The following CHUK variants were observed in gnomAD, a reference collection of about 807,000 sequenced individuals.
The protein encoded by CHUK is inhibitor of nuclear factor kappa-B kinase subunit alpha.
Under a neutral mutation model 104.8 loss-of-function variants are expected in CHUK, and 35 were observed. That is an observed-to-expected ratio of 0.33 (90% CI 0.26 to 0.44). The LOEUF (loss-of-function observed/expected upper bound fraction) is 0.44. CHUK is among the 20% of genes least tolerant of loss of function. The probability of loss-of-function intolerance (pLI) is 1.00; values close to 1 mark genes in which losing one functional copy is unlikely to be tolerated. For synonymous variants in CHUK, 276 were observed against 291.9 expected (o/e 0.95, Z 0.56); for missense variants, 663 against 902.7 (o/e 0.73, Z 3.40).
At chr10:100,209,573 A>T in intron 10 of CHUK, 22 bp downstream of exon 10, 1 of 1,425,580 alleles carries the variant, frequency 7.0e-7, no homozygotes, top group South Asian at 1.1e-5. Context: ...TACTCTAGGG[A>T]TATTATAATT....
intron 18 of CHUK, 94 bp from the exon 19 acceptor site, chr10:100,193,525 G>A (rs536231470): frequency 4.0e-5 from 57 of 1,411,670 alleles, no homozygotes; most frequent in African/African-American, 3.4e-4. Context: ...TTACATTTCC[G>A]TTACTACTTA....
At chr10:100,215,548 C>G (rs1211925413) in intron 9 of CHUK, among the ~76,000 whole-genome samples, 1 of 152,080 alleles carries the variant, frequency 6.6e-6, no homozygotes, top group Non-Finnish European at 1.5e-5. Context: ...TAATTAAATG[C>G]TACTGTTTCA....
In CHUK at chr10:100,204,779, C is replaced by A. The variant is rs17886182; in HGVS notation, c.1356-122G>T. 0.032 allele frequency: 26,852 copies of A among 834,362 alleles called. 559 individuals carry two copies. The highest frequency in any genetic ancestry group is 0.06 in the Middle Eastern group (170 of 2,830). The allele number at this position is 834,362 out of a possible 1,614,324, so 51.7% of individuals were successfully genotyped here. Reference sequence around the variant, plus strand: ...CAAAGCCTAAGTTTCTATTATCAATCTATGAGAAATAACTGAGCTCTAGAA... The same window carrying A: ...CAAAGCCTAAGTTTCTATTATCAATATATGAGAAATAACTGAGCTCTAGAA... On this transcript the variant is annotated intron_variant, in intron 12 of 20. Coordinates refer to ENST00000370397, the MANE Select transcript of CHUK (RefSeq NM_001278.5).
At chr10:100,222,743 T>TA in intron 3 of CHUK, 123 bp downstream of exon 3, 2 of 677,614 alleles carry the variant, frequency 3.0e-6, no homozygotes, top group Non-Finnish European at 5.4e-6. Context: ...AAAACTTTAT[T>TA]TACAAAACAG....
intron 18 of CHUK, 55 bp from the exon 19 acceptor site, chr10:100,193,486 C>G (rs1845252489): frequency 6.3e-7 from 1 of 1,598,942 alleles, no homozygotes; most frequent in Non-Finnish European, 8.6e-7. Context: ...TCTGTTGATT[C>G]ACACAATTTC....
At chr10:100,211,917 G>A (rs183201817) in intron 9 of CHUK, among the ~76,000 whole-genome samples, 57 of 149,474 alleles carry the variant, frequency 3.8e-4, no homozygotes, top group Non-Finnish European at 7.4e-4. Flanking sequence ...GTCTTGCTGT[G>A]TCACGCAGGC....
At chr10:100,187,973 T>G (rs1224997976), downstream of CHUK, 1 of 152,166 alleles carries the variant, frequency 6.6e-6, no homozygotes, top group Non-Finnish European at 1.5e-5. Context: ...CCAATAAATG[T>G]TTATTACTAA....
intron 9 of CHUK, among the ~76,000 whole-genome samples, chr10:100,217,074 C>A (rs1375822458): frequency 9.8e-6 from 1 of 102,136 alleles, no homozygotes; most frequent in African/African-American, 9.0e-5. Flanking sequence ...AAATGGATAT[C>A]CAGGCAGAAG....
At chr10:100,225,684 G>A (rs781158068) in intron 2 of CHUK, among the ~76,000 whole-genome samples, 76 of 152,080 alleles carry the variant, frequency 5.0e-4, no homozygotes, top group Admixed American at 2.9e-3. Context: ...ACTGTTTTCC[G>A]TAACAGTTGC....
chr10:100,220,156 A>AAT (rs1306667542), intron 5 of CHUK, among the ~76,000 whole-genome samples: 1 of 152,152 alleles, frequency 6.6e-6, no homozygotes, highest in Non-Finnish European at 1.5e-5. Flanking sequence ...AAGTTTTAAA[A>AAT]ATATATATAC....
In CHUK at chr10:100,202,106, CT is replaced by C; in HGVS notation, c.1550del (p.Lys517ArgfsTer40). ...MLKAWKEMEE[K>X]AIHYAEVGVI... ...ATTTTACCTCAGCATAGTGGATGGC[CT>C]TTTCTTCCATTTCTTTCCATGCTTT... On this transcript the variant is annotated frameshift_variant, in exon 14 of 21. Coordinates refer to ENST00000370397, the MANE Select transcript of CHUK (RefSeq NM_001278.5). LOFTEE classifies it high-confidence loss of function. 1 of 1,612,276 alleles carries C rather than the reference CT, an allele frequency of 6.2e-7. No homozygotes were observed. Among genetic ancestry groups the C allele is most frequent in the Non-Finnish European group, 8.5e-7 (1 of 1,178,714 alleles).
chr10:100,222,304 A>T, intron 3 of CHUK, 123 bp from the exon 4 acceptor site: 1 of 653,062 alleles, frequency 1.5e-6, no homozygotes, highest in South Asian at 1.7e-5. Flanking sequence ...AATAAAATAC[A>T]AGGGAATAAA....
chr10:100,194,480 C>T lies in CHUK; in HGVS notation c.1771G>A (p.Val591Met), dbSNP rs769706104. The change falls in exon 17 of 21, where the codon GTG becomes ATG. Residue 591 changes from valine to methionine, a missense_variant. Coordinates refer to ENST00000370397, the MANE Select transcript of CHUK (RefSeq NM_001278.5). ...SDSTEMVKII[V>M]HTVQSQDRVL... The stretch of plus-strand genomic sequence containing the variant: ...CGGTCCTGACTCTGCACAGTGTGCA[C>T]AATGATTTTCACCATCTCTGTGCTG... The T allele has an allele frequency of 1.9e-6, 3 of 1,613,524 alleles. No individual in the cohort carries two copies. The highest frequency in any genetic ancestry group is 2.5e-6 in the Non-Finnish European group (3 of 1,179,570).
rs757284331 is a variant in CHUK at position 100,190,829 on chromosome 10, A to G, written c.2208+40T>C. The G allele has an allele frequency of 1.9e-5, 22 of 1,159,798 alleles. No individual in the cohort carries two copies. In the Admixed American group the frequency reaches 2.7e-4, roughly 14 times the overall value. The allele number at this position is 1,159,798 out of a possible 1,614,324, so 71.8% of individuals were successfully genotyped here. On this transcript the variant is annotated intron_variant, in intron 20 of 20. Transcript: ENST00000370397. ...TGGAAAGTTAAACCTTTTGCACCCA[A>G]CATAGCCAAAGCAGGCACCCATATC...
At chr10:100,226,140 C>T in intron 1 of CHUK, 123 bp from the exon 2 acceptor site, 1 of 667,546 alleles carries the variant, frequency 1.5e-6, no homozygotes, top group East Asian at 2.8e-5. Flanking sequence ...TATTTATCCA[C>T]AGCTCTCTTG....
intron 19 of CHUK, chr10:100,192,653 C>A: frequency 1.0e-6 from 1 of 986,684 alleles, no homozygotes; most frequent in Non-Finnish European, 1.2e-6. Flanking sequence ...AATACACAAG[C>A]TAGCAAAGAG....
chr10:100,207,104 C>T (rs1845606112), intron 11 of CHUK, 126 bp downstream of exon 11: 3 of 680,816 alleles, frequency 4.4e-6, no homozygotes, highest in Admixed American at 2.2e-5. Context: ...CATATAACTC[C>T]ATATAGAAAC....
chr10:100,223,329 C>T (rs1846032476), intron 2 of CHUK, among the ~76,000 whole-genome samples: 1 of 152,136 alleles, frequency 6.6e-6, no homozygotes, highest in African/African-American at 2.4e-5. Context: ...GTAACAAGAT[C>T]ACACAGTGAG....
At chr10:100,212,369 T>C (rs956135240) in intron 9 of CHUK, among the ~76,000 whole-genome samples, 1 of 152,190 alleles carries the variant, frequency 6.6e-6, no homozygotes, top group African/African-American at 2.4e-5. Flanking sequence ...GTGGTTTTGA[T>C]TTGCATCGCC....
Sources: gnomAD v4.1 joint callset for allele counts (sites outside exome capture counted in the v4.1 genomes callset) on GRCh38, gnomAD v4.1.1 for gene constraint, MANE v1.5 for transcripts, NCBI Gene and HGNC (gene_info 2026-07-23, HGNC 2026-07-21) for gene names.